Variants in SCD observed in about 807,000 individuals in gnomAD.
The protein encoded by SCD is acyl-CoA desaturase.
In SCD, 4 loss-of-function variants were observed where a neutral mutation model predicts 35.7. The ratio of observed to expected loss-of-function variants is 0.11; its 90% confidence interval spans 0.06 to 0.26. The LOEUF (loss-of-function observed/expected upper bound fraction) is 0.26. Ranked by LOEUF, SCD falls within the 10% of genes least tolerant of loss-of-function variation. The pLI, the probability that SCD is intolerant of heterozygous loss-of-function variation, is 1.00. For missense variants in SCD, 282 were observed against 460.7 expected, an observed-to-expected ratio of 0.61 and a Z score of 3.55; for synonymous variants, 150 against 170.2, an observed-to-expected ratio of 0.88 and a Z score of 0.92.
intron 5 of SCD, among the ~76,000 whole-genome samples, chr10:100,360,170 G>A (rs1262394308): frequency 6.6e-6 from 1 of 152,240 alleles, no homozygotes; most frequent in Non-Finnish European, 1.5e-5. Flanking sequence ...GGTGGTTCCA[G>A]TGTGGTGGGG....
Position 100,352,371 on chromosome 10 carries a change from T to C in SCD, c.316T>C (p.Phe106Leu). The change falls in exon 3 of 6, where the codon TTC becomes CTC. Residue 106 changes from phenylalanine (F) to leucine (L), a missense_variant. Physicochemically the swap from Phe to Leu is conservative, Grantham distance 22. Transcript: ENST00000370355. The surrounding 1 kb of genome is among the most constrained non-coding windows in gnomAD (Gnocchi z 4.2). ...CCACTGTCTTCTCCTGGCAGGGGTA[T>C]TCTACTATTTTGTCAGTGCCCTGGG... ...CKFYTWLWGV[F>L]YYFVSALGIT... 1.2e-6 allele frequency: 2 copies of C among 1,613,620 alleles called. No individual in the cohort carries two copies. The highest frequency in any genetic ancestry group is 2.2e-5 in the South Asian group (2 of 91,062).
chr10:100,347,542 C>G lies in SCD; in HGVS notation c.27+11C>G. 1 of 1,613,910 alleles carries G rather than the reference C, an allele frequency of 6.2e-7. No homozygotes were observed. The highest frequency in any genetic ancestry group is 8.5e-7 in the Non-Finnish European group (1 of 1,179,952). On this transcript the variant is annotated intron_variant, in intron 1 of 5. Transcript: ENST00000370355. ...TTGCTGCAGGACGATGTGAGTTTCC[C>G]AGCCTGGCCCCGTACCGCCGGGTCG...
At chr10:100,353,237 T>C (rs1464604346) in intron 3 of SCD, among the ~76,000 whole-genome samples, 1 of 152,190 alleles carries the variant, frequency 6.6e-6, no homozygotes, top group East Asian at 1.9e-4. Context: ...AGCCCAACAT[T>C]GTGGCCCTTT....
chr10:100,348,246 A>G lies in SCD; in HGVS notation c.210A>G (p.Glu70=). 6.2e-7 allele frequency: 1 copy of G among 1,614,094 alleles called. No individual in the cohort carries two copies. Among genetic ancestry groups the G allele is most frequent in the East Asian group, 2.2e-5 (1 of 44,878 alleles). The stretch of plus-strand genomic sequence containing the variant: ...AGGAAGGCCCAAGCCCCAAGGTTGA[A>G]TATGTCTGGAGAAACATCATCCTTA... ...KDKEGPSPKV[E]YVWRNIILMS... is the part of the protein sequence containing the mutation. Residue 70 remains glutamate, a synonymous_variant, in exon 2 of 6, where the codon GAA becomes GAG. Transcript: ENST00000370355.
intron 3 of SCD, 59 bp from the exon 4 acceptor site, chr10:100,354,368 G>C (rs1452929351): frequency 5.5e-6 from 8 of 1,463,838 alleles, no homozygotes; most frequent in Non-Finnish European, 9.6e-7. Context: ...TGTCCATTGG[G>C]ATTCTCCTAA....
rs1175554947 is a variant in SCD, at chr10:100,362,351, C to T, written c.*1418C>T. The T allele has an allele frequency of 2.6e-5, 4 of 152,322 alleles. No individual in the cohort carries two copies. In the East Asian group the frequency reaches 7.7e-4, roughly 29 times the overall value. The allele number at this position is 152,322 out of a possible 1,614,324, so 9.4% of individuals were successfully genotyped here. On this transcript the variant is annotated 3_prime_UTR_variant, in exon 6 of 6. Transcript: ENST00000370355. ...GAAATGAGTAAAAACTAGAAGGCTT[C>T]TCTCCACAGTGTTGTGCCCCTTCAC...
At chr10:100,348,483 C>G in intron 2 of SCD, 137 bp downstream of exon 2, 1 of 854,550 alleles carries the variant, frequency 1.2e-6, no homozygotes, top group East Asian at 2.5e-5. Context: ...TCTTTGGTTG[C>G]TTCAGGCCTA....
At position 100,352,377 on chromosome 10, in the gene SCD, T is replaced by C; in HGVS notation, c.322T>C (p.Tyr108His). Residue 108 changes from tyrosine (Y) to histidine (H), a missense_variant, in exon 3 of 6, where the codon TAT becomes CAT. Coordinates refer to ENST00000370355, the MANE Select transcript of SCD (RefSeq NM_005063.5). This position sits in a 1 kb window ranked among gnomAD's most constrained non-coding sequence, Gnocchi z 4.2. ...TCTTCTCCTGGCAGGGGTATTCTACTATTTTGTCAGTGCCCTGGGCATAAC... is the reference window on the plus strand; with the variant it reads ...TCTTCTCCTGGCAGGGGTATTCTACCATTTTGTCAGTGCCCTGGGCATAAC... ...FYTWLWGVFYYFVSALGITAG... is the reference protein window; with the variant it reads ...FYTWLWGVFYHFVSALGITAG... 6.2e-7 allele frequency: 1 copy of C among 1,613,868 alleles called. No individual in the cohort carries two copies. Among genetic ancestry groups the C allele is most frequent in the South Asian group, 1.1e-5 (1 of 91,074 alleles).
intron 2 of SCD, 69 bp downstream of exon 2, chr10:100,348,415 C>A (rs1383784707): frequency 1.4e-6 from 2 of 1,473,228 alleles, no homozygotes; most frequent in Non-Finnish European, 1.8e-6. Flanking sequence ...AAGGTAGGAT[C>A]TTACAGAGGA....
At position 100,356,852 on chromosome 10, in the gene SCD, T is replaced by C; in HGVS notation, c.880+88T>C. The C allele has an allele frequency of 9.8e-7, 1 of 1,024,862 alleles. No individual in the cohort carries two copies. Among genetic ancestry groups the C allele is most frequent in the Non-Finnish European group, 1.5e-6 (1 of 679,110 alleles). The allele number at this position is 1,024,862 out of a possible 1,614,324, so 63.5% of individuals were successfully genotyped here. The stretch of plus-strand genomic sequence containing the variant: ...AGCCAGAAAAACTAGATAAATCTGT[T>C]TTTTATGGCTACTTTGTATCTCAGT... On this transcript the variant is annotated intron_variant, in intron 5 of 5. Transcript: ENST00000370355. This position sits in a 1 kb window ranked among gnomAD's most constrained non-coding sequence, Gnocchi z 4.1.
In SCD at chr10:100,348,222, G is replaced by A. The variant is rs1475050998; in HGVS notation, c.186G>A (p.Lys62=). The change falls in exon 2 of 6, where the codon AAG becomes AAA. Residue 62 remains lysine (K), a synonymous_variant. Transcript: ENST00000370355. ...TATATGACCCCACCTACAAGGATAA[G>A]GAAGGCCCAAGCCCCAAGGTTGAAT... ...DDIYDPTYKD[K]EGPSPKVEYV... is the part of the protein sequence containing the mutation. The A allele has an allele frequency of 2.5e-6, 4 of 1,614,114 alleles. No individual in the cohort carries two copies. The Admixed American group carries it at 6.7e-5, about 27-fold the overall frequency.
chr10:100,354,309 T>A, intron 3 of SCD, 118 bp from the exon 4 acceptor site: 1 of 851,966 alleles, frequency 1.2e-6, no homozygotes, highest in Non-Finnish European at 1.9e-6. Flanking sequence ...GAGCCCAGAT[T>A]CCTGGGTATT....
At chr10:100,347,586 C>A (rs1196199179) in intron 1 of SCD, 55 bp downstream of exon 1, 101 of 1,607,606 alleles carry the variant, frequency 6.3e-5, no homozygotes, top group Middle Eastern at 1.6e-4. Flanking sequence ...GGCTGGGCTT[C>A]CAGGGGACGG....
Position 100,354,509 on chromosome 10 carries a change from G to A in SCD, c.524G>A (p.Arg175His). 7 of 1,614,054 alleles carry A rather than the reference G, an allele frequency of 4.3e-6. No individual in the cohort carries two copies. Among genetic ancestry groups the A allele is most frequent in the Non-Finnish European group, 5.9e-6 (7 of 1,179,948 alleles). ...CATGCTGATCCTCATAATTCCCGAC[G>A]TGGCTTTTTCTTCTCTCACGTGGGT... is the stretch of plus-strand genomic sequence containing the variant. ...ETHADPHNSR[R>H]GFFFSHVGWL... Residue 175 changes from arginine to histidine, a missense_variant, in exon 4 of 6, where the codon CGT (arginine) becomes CAT (histidine). By Grantham distance (29) the Arg-to-His change is conservative. Transcript: ENST00000370355.
At position 100,350,781 on chromosome 10, in the gene SCD, C is replaced by G. The variant is rs187600731; in HGVS notation, c.311-1585C>G. Among the ~76,000 whole-genome samples, 6 of 152,274 alleles carry G rather than the reference C, an allele frequency of 3.9e-5. No individual in the cohort carries two copies. In the East Asian group the frequency reaches 1.2e-3, roughly 29 times the overall value. On this transcript the variant is annotated intron_variant, in intron 2 of 5. Coordinates refer to ENST00000370355, the MANE Select transcript of SCD (RefSeq NM_005063.5). ...TTGCTCATTAGAGAGAGCTCTGGCTCAACTGATGGTTTCCCGAGTAAGATG... is the reference window on the plus strand; with the variant it reads ...TTGCTCATTAGAGAGAGCTCTGGCTGAACTGATGGTTTCCCGAGTAAGATG...
chr10:100,361,035 T>C lies in SCD; in HGVS notation c.*102T>C. On this transcript the variant is annotated 3_prime_UTR_variant, in exon 6 of 6. Coordinates refer to ENST00000370355, the MANE Select transcript of SCD (RefSeq NM_005063.5). ...AATGCTACCAGGATGCTAAAGATGA[T>C]GATGTTAACCCATTCCAGTACAGTA... 2.0e-6 allele frequency: 2 copies of C among 1,006,118 alleles called. No homozygotes were observed. Among genetic ancestry groups the C allele is most frequent in the East Asian group, 2.5e-5 (1 of 39,832 alleles). 62.3% of individuals were successfully genotyped at this position (1,006,118 alleles called of 1,614,324 possible).
intron 1 of SCD, among the ~76,000 whole-genome samples, 200 bp downstream of exon 1, chr10:100,347,731 A>G (rs1849814927): frequency 6.6e-6 from 1 of 152,156 alleles, no homozygotes; most frequent in Non-Finnish European, 1.5e-5. Context: ...CTTAAGCTTT[A>G]AAGAAAAATC....
At chr10:100,358,461 G>A (rs543995977) in intron 5 of SCD, among the ~76,000 whole-genome samples, 4 of 151,556 alleles carry the variant, frequency 2.6e-5, no homozygotes, top group South Asian at 4.2e-4. Context: ...GCGCAGTGGC[G>A]GGCGCCTGTA....
At chr10:100,353,857 C>T (rs1443814065) in intron 3 of SCD, among the ~76,000 whole-genome samples, 1 of 152,208 alleles carries the variant, frequency 6.6e-6, no homozygotes, top group Non-Finnish European at 1.5e-5. Flanking sequence ...GATATTGGTA[C>T]ATTCTTTAAG....
Sources: allele counts gnomAD v4.1 joint callset (sites outside exome capture counted in the v4.1 genomes callset), GRCh38; gene constraint gnomAD v4.1.1; non-coding constraint Gnocchi (gnomAD v3.1); transcripts MANE v1.5; gene names NCBI Gene and HGNC (gene_info 2026-07-23, HGNC 2026-07-21).